Variants in PBRM1 observed in about 807,000 individuals in gnomAD.
PBRM1 encodes polybromo 1.
PBRM1 carries 27 observed loss-of-function variants against 194.5 expected under a neutral mutation model. That is an observed-to-expected ratio of 0.14 (90% CI 0.10 to 0.19). The LOEUF is 0.19. Among genes scored for constraint, PBRM1 ranks in the 10% least tolerant of loss-of-function variants. The probability of loss-of-function intolerance (pLI) is 1.00; values close to 1 mark genes in which losing one functional copy is unlikely to be tolerated. For synonymous variants in PBRM1, 655 were observed against 693.2 expected (o/e 0.94, Z 0.87); for missense variants, 1,466 against 2,077.2 (o/e 0.71, Z 5.72).
intron 16 of PBRM1, among the ~76,000 whole-genome samples, chr3:52,608,287 A>G (rs2094450654): frequency 6.6e-6 from 1 of 152,172 alleles, no homozygotes; most frequent in Admixed American, 6.5e-5. Flanking sequence ...TACTAGTTGT[A>G]AGACTATGGG....
intron 10 of PBRM1, among the ~76,000 whole-genome samples, chr3:52,636,033 T>G (rs890088824): frequency 2.7e-5 from 4 of 150,632 alleles, no homozygotes; most frequent in Admixed American, 6.7e-5. Context: ...CTGGCCAATT[T>G]GGTTTTTTTT....
At chr3:52,647,398 C>T (rs1462107441) in intron 7 of PBRM1, among the ~76,000 whole-genome samples, 1 of 131,170 alleles carries the variant, frequency 7.6e-6, no homozygotes, top group African/African-American at 3.0e-5. Context: ...CACATGGCCC[C>T]GCAATTCCAT....
chr3:52,576,687 A>G, exon 22 of PBRM1: 2 of 1,597,920 alleles, frequency 1.3e-6, no homozygotes, highest in Non-Finnish European at 1.7e-6. Flanking sequence ...TCGAACCCAT[A>G]CTTTTTCAAT....
At chr3:52,683,863 T>TGCACGTGAGAAC (rs2097260122), upstream of PBRM1, among the ~76,000 whole-genome samples, 1 of 52,622 alleles carries the variant, frequency 1.9e-5, no homozygotes, top group Non-Finnish European at 3.9e-5. Context: ...AAAAAAAAAG[T>TGCACGTGAGAAC]TTATTTGTAT....
At chr3:52,596,387 G>C (rs2093547795) in intron 17 of PBRM1, among the ~76,000 whole-genome samples, 1 of 135,794 alleles carries the variant, frequency 7.4e-6, no homozygotes, top group African/African-American at 2.8e-5. Context: ...GCAGTGAGTC[G>C]AGATTGTGCC....
intron 10 of PBRM1, among the ~76,000 whole-genome samples, chr3:52,638,604 T>C (rs1297924527): frequency 6.6e-6 from 1 of 151,244 alleles, no homozygotes; most frequent in Non-Finnish European, 1.5e-5. Context: ...TATTCTCTCT[T>C]TTTTTAAGAG....
chr3:52,668,699 T>C, intron 2 of PBRM1, 54 bp from the exon 4 acceptor site: 1 of 1,112,534 alleles, frequency 9.0e-7, no homozygotes, highest in Non-Finnish European at 1.3e-6. Context: ...TACAAAAAGT[T>C]TTATTTCAAA....
At chr3:52,620,956 C>A (rs2095249653) in intron 13 of PBRM1, among the ~76,000 whole-genome samples, 1 of 152,110 alleles carries the variant, frequency 6.6e-6, no homozygotes, top group Non-Finnish European at 1.5e-5. Flanking sequence ...GAGCCACTGG[C>A]CCATTAGTTT....
At chr3:52,621,936 C>CA (rs199903385) in intron 13 of PBRM1, among the ~76,000 whole-genome samples, 1,734 of 152,194 alleles carry the variant, frequency 0.011, 19 homozygotes, top group Non-Finnish European at 0.017. Flanking sequence ...ATCCTAGCTA[C>CA]ACATGAGGCT....
intron 16 of PBRM1, among the ~76,000 whole-genome samples, chr3:52,604,653 G>A (rs1034797683): frequency 2.6e-5 from 4 of 151,710 alleles, no homozygotes; most frequent in Non-Finnish European, 5.9e-5. Context: ...TGATGGCACC[G>A]CTGCATTCCC....
chr3:52,609,587 C>T lies in PBRM1; in HGVS notation c.2293G>A (p.Gly765Arg). Residue 765 changes from glycine (G) to arginine (R), a missense_variant, in exon 16 of 30, where the codon GGA (glycine) becomes AGA (arginine). Coordinates refer to ENST00000296302, the Ensembl canonical transcript of PBRM1. This position sits in a 1 kb window ranked among gnomAD's most constrained non-coding sequence, Gnocchi z 4.1. Reference sequence around the variant, plus strand: ...TTTGGGACATGAGAGTCCTCATCTCCCTCCAGGTCTCTGCGTGTTTCAAGC... The same window carrying T: ...TTTGGGACATGAGAGTCCTCATCTCTCTCCAGGTCTCTGCGTGTTTCAAGC... The T allele has an allele frequency of 6.2e-7, 1 of 1,612,988 alleles. No homozygotes were observed.
At chr3:52,640,882 AC>A (rs747910343) in intron 10 of PBRM1, among the ~76,000 whole-genome samples, 5 of 147,720 alleles carry the variant, frequency 3.4e-5, no homozygotes, top group South Asian at 2.2e-4. Flanking sequence ...CAAGTGATCC[AC>A]CCCCCTCAGC....
chr3:52,651,512 C>T (rs1021324965), intron 6 of PBRM1, among the ~76,000 whole-genome samples: 3 of 152,168 alleles, frequency 2.0e-5, no homozygotes, highest in African/African-American at 7.2e-5. Context: ...AATCTTTTGT[C>T]ACAAATGTAT....
chr3:52,590,370 C>T (rs374530722), intron 17 of PBRM1, among the ~76,000 whole-genome samples: 57 of 151,858 alleles, frequency 3.8e-4, no homozygotes, highest in African/African-American at 1.3e-3. Context: ...ACAGAAGAAT[C>T]GCTTAAACCT....
chr3:52,563,245 T>C (rs564785722), intron 24 of PBRM1, 38 bp downstream of exon 26: 3 of 1,520,642 alleles, frequency 2.0e-6, no homozygotes, highest in African/African-American at 1.4e-5. Context: ...AAACCAAAGG[T>C]GGTAATAAGA....
At chr3:52,630,398 C>T (rs2095580011) in intron 11 of PBRM1, among the ~76,000 whole-genome samples, 1 of 152,106 alleles carries the variant, frequency 6.6e-6, no homozygotes, top group Non-Finnish European at 1.5e-5. Flanking sequence ...CCATGTGTGG[C>T]TATTTAAATT....
At chr3:52,565,236 T>C (rs2084785399) in intron 22 of PBRM1, among the ~76,000 whole-genome samples, 1 of 151,452 alleles carries the variant, frequency 6.6e-6, no homozygotes, top group South Asian at 2.1e-4. Context: ...CTGGGTGCAG[T>C]GGCTCATGCC....
chr3:52,671,112 C>G (rs2096938561), intron 2 of PBRM1, among the ~76,000 whole-genome samples: 1 of 152,208 alleles, frequency 6.6e-6, no homozygotes, highest in South Asian at 2.1e-4. Flanking sequence ...GACAACTTCA[C>G]AGAACAGGAC....
chr3:52,679,542 C>G (rs1373658898), intron 1 of PBRM1, 32 bp downstream of exon 2: 1 of 1,590,066 alleles, frequency 6.3e-7, no homozygotes, highest in Non-Finnish European at 8.6e-7. Flanking sequence ...GTGGGAAGAG[C>G]AGGCAGAAAC....
Sources: allele counts gnomAD v4.1 joint callset (sites outside exome capture counted in the v4.1 genomes callset), GRCh38; gene constraint gnomAD v4.1.1; non-coding constraint Gnocchi (gnomAD v3.1); transcripts MANE v1.5; gene names NCBI Gene and HGNC (gene_info 2026-07-23, HGNC 2026-07-21).